Variants in SSBP2 observed in about 807,000 individuals in gnomAD.
SSBP2 encodes the protein single stranded DNA binding protein 2, also known as single-stranded DNA-binding protein 2.
SSBP2 carries 17 observed loss-of-function variants against 61.8 expected under a neutral mutation model. That is an observed-to-expected ratio of 0.28 (90% CI 0.19 to 0.41). The LOEUF (loss-of-function observed/expected upper bound fraction) is 0.41, where lower values mean the gene tolerates loss of function less well. Ranked by LOEUF, SSBP2 falls within the 10% of genes least tolerant of loss-of-function variation. The pLI is 1.00. For synonymous variants in SSBP2, 139 were observed against 141.3 expected, an observed-to-expected ratio of 0.98 and a Z score of 0.12; for missense variants, 310 against 458.7, an observed-to-expected ratio of 0.68 and a Z score of 2.96.
intron 4 of SSBP2, among the ~76,000 whole-genome samples, chr5:81,539,414 G>A (rs577397910): frequency 6.6e-6 from 1 of 152,270 alleles, no homozygotes; most frequent in South Asian, 2.1e-4. Flanking sequence ...CTGCTGAAAC[G>A]ATTACAAAAG....
chr5:81,587,949 G>C (rs1261195737), intron 4 of SSBP2, among the ~76,000 whole-genome samples: 1 of 152,038 alleles, frequency 6.6e-6, no homozygotes, highest in Non-Finnish European at 1.5e-5. Flanking sequence ...CATCTTGGTC[G>C]TTAAAGCTTG....
At chr5:81,561,357 C>T (rs1773029646) in intron 4 of SSBP2, among the ~76,000 whole-genome samples, 2 of 152,066 alleles carry the variant, frequency 1.3e-5, no homozygotes, top group Admixed American at 1.3e-4. Context: ...AAAATTGTGT[C>T]TTATTCATGG....
intron 7 of SSBP2, 71 bp from the exon 8 acceptor site, chr5:81,473,841 C>T: frequency 7.3e-7 from 1 of 1,369,758 alleles, no homozygotes; most frequent in Non-Finnish European, 1.0e-6. Flanking sequence ...CAGCTTCCTC[C>T]CTCCTGGGTG....
At chr5:81,745,816 A>G (rs1229404663) in intron 1 of SSBP2, among the ~76,000 whole-genome samples, 3 of 152,112 alleles carry the variant, frequency 2.0e-5, no homozygotes. Flanking sequence ...TTTTTCCCCC[A>G]AATTTTACTT....
chr5:81,540,929 T>C, intron 4 of SSBP2, among the ~76,000 whole-genome samples: 1 of 135,718 alleles, frequency 7.4e-6, no homozygotes, highest in Non-Finnish European at 1.7e-5. Flanking sequence ...AACAGAAAGT[T>C]AGAAAAAAAA....
intron 1 of SSBP2, among the ~76,000 whole-genome samples, chr5:81,750,462 G>A (rs1228873429): frequency 8.7e-5 from 12 of 138,634 alleles, no homozygotes; most frequent in Non-Finnish European, 1.6e-5. Flanking sequence ...CTCGCCCCGC[G>A]CTCGCGGCCC....
intron 4 of SSBP2, among the ~76,000 whole-genome samples, chr5:81,538,550 C>A (rs1186352954): frequency 1.3e-5 from 2 of 152,024 alleles, no homozygotes; most frequent in Non-Finnish European, 2.9e-5. Flanking sequence ...TTGAAAGATG[C>A]CATGTAGAAC....
intron 1 of SSBP2, among the ~76,000 whole-genome samples, chr5:81,729,337 T>C (rs1211167464): frequency 6.6e-6 from 1 of 152,092 alleles, no homozygotes; most frequent in Non-Finnish European, 1.5e-5. Context: ...AACGTGAAGA[T>C]AGGAATTTTC....
intron 4 of SSBP2, among the ~76,000 whole-genome samples, chr5:81,551,095 C>CG (rs1554085210): frequency 3.1e-4 from 19 of 60,550 alleles, no homozygotes; most frequent in African/African-American, 9.7e-4. Context: ...GACTCCATCT[C>CG]GAAAAAAAAA....
intron 1 of SSBP2, among the ~76,000 whole-genome samples, chr5:81,691,900 G>T (rs779931249): frequency 2.0e-5 from 3 of 152,124 alleles, no homozygotes; most frequent in Non-Finnish European, 2.9e-5. Flanking sequence ...TGCAAGGATG[G>T]TTCAACAGAT....
intron 1 of SSBP2, among the ~76,000 whole-genome samples, chr5:81,708,463 A>AT (rs1561714455): frequency 6.6e-6 from 1 of 152,098 alleles, no homozygotes; most frequent in Non-Finnish European, 1.5e-5. Flanking sequence ...AAGTTGTTCA[A>AT]TTTTCCTTAT....
At chr5:81,498,610 A>C (rs1168199022) in intron 5 of SSBP2, among the ~76,000 whole-genome samples, 4 of 152,210 alleles carry the variant, frequency 2.6e-5, no homozygotes, top group Middle Eastern at 7.1e-3. Flanking sequence ...TTCTTTAAAA[A>C]AGTAGTACTT....
intron 1 of SSBP2, among the ~76,000 whole-genome samples, chr5:81,662,714 T>C (rs1240030191): frequency 1.3e-5 from 2 of 151,996 alleles, no homozygotes; most frequent in East Asian, 1.9e-4. Flanking sequence ...AGGCAGACAA[T>C]TGCTTGAACC....
rs370792271 is a variant in SSBP2, at chr5:81,607,115, T to C, written c.282+8358A>G. Among the ~76,000 whole-genome samples the C allele has an allele frequency of 5.9e-5, 9 of 152,306 alleles. No individual in the cohort carries two copies. The South Asian group carries it at 8.3e-4, about 14-fold the overall frequency. On this transcript the variant is annotated intron_variant, in intron 4 of 16. Coordinates refer to ENST00000320672, the MANE Select transcript of SSBP2 (RefSeq NM_012446.5). ...CCTATTTCCTTTATGTATTTGGGCT[T>C]TTGTCCATAATAAAAACTATAATAT...
intron 1 of SSBP2, among the ~76,000 whole-genome samples, chr5:81,653,045 T>C (rs574877531): frequency 3.5e-4 from 53 of 151,784 alleles, no homozygotes; most frequent in African/African-American, 1.2e-3. Flanking sequence ...TTTGCTGCAC[T>C]CATCAACCCC....
intron 4 of SSBP2, among the ~76,000 whole-genome samples, chr5:81,542,701 G>A (rs1771370746): frequency 6.6e-6 from 1 of 152,048 alleles, no homozygotes; most frequent in African/African-American, 2.4e-5. Flanking sequence ...TAATCCCCAT[G>A]TGTCGAGGGA....
chr5:81,448,676 G>A (rs1261533724), intron 11 of SSBP2, 114 bp downstream of exon 11: 10 of 994,202 alleles, frequency 1.0e-5, no homozygotes, highest in African/African-American at 1.6e-5. Context: ...AACTCAAGAT[G>A]TTCACTTCTT....
intron 4 of SSBP2, among the ~76,000 whole-genome samples, chr5:81,524,878 T>C (rs1441612304): frequency 6.6e-6 from 1 of 152,016 alleles, no homozygotes; most frequent in Admixed American, 6.6e-5. Context: ...CTTCCTCTCA[T>C]TCACAAAGGA....
chr5:81,473,864 T>A (rs1765415943), intron 7 of SSBP2, 94 bp from the exon 8 acceptor site: 1 of 1,155,452 alleles, frequency 8.7e-7, no homozygotes, highest in African/African-American at 1.5e-5. Flanking sequence ...ACTGTCTCAT[T>A]TACCAAGAGT....
Sources: allele counts gnomAD v4.1 joint callset (sites outside exome capture counted in the v4.1 genomes callset), GRCh38; gene constraint gnomAD v4.1.1; transcripts MANE v1.5; gene names NCBI Gene and HGNC (gene_info 2026-07-23, HGNC 2026-07-21).